Variants in ARHGEF18 observed in about 807,000 individuals in gnomAD.
The protein encoded by ARHGEF18 is rho guanine nucleotide exchange factor 18.
ARHGEF18 carries 93 observed loss-of-function variants against 155.7 expected under a neutral mutation model. The observed-to-expected ratio is 0.60, with a 90% CI of 0.50 to 0.71. The LOEUF (loss-of-function observed/expected upper bound fraction) is 0.71, where lower values mean the gene tolerates loss of function less well. Ranked by LOEUF, ARHGEF18 falls within the 30% of genes least tolerant of loss-of-function variation. The pLI is 0.00. For missense variants in ARHGEF18, 1,593 were observed against 1,816.1 expected, an observed-to-expected ratio of 0.88 and a Z score of 2.23; for synonymous variants, 742 against 753.1, an observed-to-expected ratio of 0.99 and a Z score of 0.24.
At chr19:7,464,258 G>T (rs937552018) in intron 22 of ARHGEF18, among the ~76,000 whole-genome samples, 1 of 151,994 alleles carries the variant, frequency 6.6e-6, no homozygotes, top group African/African-American at 2.4e-5. Flanking sequence ...GGCTGGTCTC[G>T]AACTCCTGAC....
chr19:7,416,530 CGT>C (rs71179108), intron 10 of ARHGEF18, among the ~76,000 whole-genome samples: 9,366 of 105,680 alleles, frequency 0.089, 422 homozygotes, highest in African/African-American at 0.14. Flanking sequence ...GGAGAAAATT[CGT>C]GTGTGTGTGT....
chr19:7,413,294 C>CT (rs71179106), intron 10 of ARHGEF18, among the ~76,000 whole-genome samples: 169 of 138,254 alleles, frequency 1.2e-3, no homozygotes, highest in South Asian at 1.6e-3. Flanking sequence ...AAACAAAAAG[C>CT]TTTTTTTTTT....
intron 4 of ARHGEF18, 57 bp downstream of exon 4, chr19:7,375,927 G>C (rs754262962): frequency 1.6e-5 from 20 of 1,233,698 alleles, no homozygotes; most frequent in Admixed American, 4.2e-5. Flanking sequence ...TTAGAAAGCA[G>C]TGCTATAGGT....
chr19:7,412,086 A>G (rs1750485650), intron 10 of ARHGEF18, among the ~76,000 whole-genome samples: 1 of 150,100 alleles, frequency 6.7e-6, no homozygotes, highest in South Asian at 2.1e-4. Flanking sequence ...CGCAGGCTGC[A>G]GTGCAGTGGC....
chr19:7,380,287 A>G (rs113495227), intron 7 of ARHGEF18, among the ~76,000 whole-genome samples: 2,675 of 151,502 alleles, frequency 0.018, 78 homozygotes, highest in African/African-American at 0.059. Flanking sequence ...GACCATCCTG[A>G]CTAACATGGT....
Position 7,432,052 on chromosome 19 carries a change from C to T in ARHGEF18, c.968-8292C>T, listed in dbSNP as rs1192925364. 2.6e-5 allele frequency among the ~76,000 whole-genome samples: 4 copies of T among 152,080 alleles called. No homozygotes were observed. In the East Asian group the frequency reaches 7.7e-4, roughly 29 times the overall value. ...CTGCAAGATGTCTTTTTTAATTTTT[C>T]TTTGTCCCCTGAGGTGCGGGATGAA... is the stretch of plus-strand genomic sequence containing the variant. On this transcript the variant is annotated intron_variant, in intron 10 of 28. Transcript: ENST00000668164.
chr19:7,459,579 T>C (rs1266874128), intron 19 of ARHGEF18, among the ~76,000 whole-genome samples: 6 of 152,146 alleles, frequency 3.9e-5, no homozygotes, highest in African/African-American at 1.4e-4. Context: ...GACTCCCCCA[T>C]CCACAGTAGC....
At chr19:7,455,624 T>A (rs1463250916) in intron 17 of ARHGEF18, among the ~76,000 whole-genome samples, 1 of 152,156 alleles carries the variant, frequency 6.6e-6, no homozygotes, top group East Asian at 1.9e-4. Context: ...CGTTCACATC[T>A]GAGACATCAG....
At chr19:7,410,975 G>A (rs1378435204) in intron 10 of ARHGEF18, among the ~76,000 whole-genome samples, 2 of 152,056 alleles carry the variant, frequency 1.3e-5, no homozygotes, top group Non-Finnish European at 2.9e-5. Flanking sequence ...CATCTGGCCT[G>A]TACCCAGTGT....
At position 7,444,193 on chromosome 19, in the gene ARHGEF18, T is replaced by C. The variant is rs767574648; in HGVS notation, c.1361-11T>C. 2.2e-5 allele frequency: 36 copies of C among 1,609,262 alleles called. No homozygotes were observed. In the East Asian group the frequency reaches 5.6e-4, roughly 25 times the overall value. ...CAGCATGGCTAAGTCCTGCCGTCTG[T>C]GTCCCTGCAGAGCTGATGCAGACAG... On this transcript the variant is annotated splice_polypyrimidine_tract_variant and intron_variant, in intron 13 of 28. Transcript: ENST00000668164. This position sits in a 1 kb window ranked among gnomAD's most constrained non-coding sequence, Gnocchi z 4.7.
chr19:7,375,892 C>T, intron 4 of ARHGEF18, 22 bp downstream of exon 4: 1 of 1,234,300 alleles, frequency 8.1e-7, no homozygotes, highest in Non-Finnish European at 1.0e-6. Flanking sequence ...CTGCAGCCAC[C>T]CCTGACAATA....
In ARHGEF18 at chr19:7,440,173, A is replaced by T; in HGVS notation, c.968-171A>T. 2 of 1,551,438 alleles carry T rather than the reference A, an allele frequency of 1.3e-6. No homozygotes were observed. Among genetic ancestry groups the T allele is most frequent in the South Asian group, 1.2e-5 (1 of 84,064 alleles). ...CCCGGCCGCCCCGAGCTGTCTTTTT[A>T]CGGCTCTTTCCCCAGGAAATGGAGC... On this transcript the variant is annotated intron_variant, in intron 10 of 28. Transcript: ENST00000668164. The surrounding 1 kb of genome is among the most constrained non-coding windows in gnomAD (Gnocchi z 5.4).
At chr19:7,473,416 A>G (rs1331577949), downstream of ARHGEF18, 1 of 400,632 alleles carries the variant, frequency 2.5e-6, no homozygotes, top group Non-Finnish European at 5.0e-6. Context: ...TAATCCCAGC[A>G]TTTTGGGGAG....
Position 7,462,061 on chromosome 19 carries a change from G to A in ARHGEF18, c.2453-91G>A. On this transcript the variant is annotated intron_variant, in intron 20 of 28. Coordinates refer to ENST00000668164, the MANE Select transcript of ARHGEF18 (RefSeq NM_001367823.1). The surrounding 1 kb of genome is among the most constrained non-coding windows in gnomAD (Gnocchi z 4.4). ...AGCCTACCTCAGGGCAGGGCCAGCG[G>A]GGTTCCTCATCCTTAGGCCAGTCCC... 1 of 1,511,212 alleles carries A rather than the reference G, an allele frequency of 6.6e-7. No homozygotes were observed. Among genetic ancestry groups the A allele is most frequent in the Non-Finnish European group, 9.1e-7 (1 of 1,094,342 alleles). 93.6% of individuals were successfully genotyped at this position (1,511,212 alleles called of 1,614,324 possible).
chr19:7,425,807 C>T (rs1973629594), intron 10 of ARHGEF18, among the ~76,000 whole-genome samples: 1 of 152,094 alleles, frequency 6.6e-6, no homozygotes, highest in East Asian at 1.9e-4. Context: ...CAAGACCAGC[C>T]TGGGCAACAT....
chr19:7,412,879 T>C (rs555932894), intron 10 of ARHGEF18, among the ~76,000 whole-genome samples: 14 of 152,180 alleles, frequency 9.2e-5, no homozygotes, highest in Non-Finnish European at 1.5e-4. Flanking sequence ...GTATCTCTTC[T>C]TTGGAGACGT....
intron 10 of ARHGEF18, among the ~76,000 whole-genome samples, chr19:7,394,304 G>A (rs1407983911): frequency 6.6e-6 from 1 of 152,070 alleles, no homozygotes; most frequent in Non-Finnish European, 1.5e-5. Flanking sequence ...TGCCCAGACT[G>A]GTGGTCCTGA....
Position 7,466,966 on chromosome 19 carries a change from G to T in ARHGEF18, c.2953G>T (p.Glu985Ter). 1 of 1,613,408 alleles carries T rather than the reference G, an allele frequency of 6.2e-7. No individual in the cohort carries two copies. ...ESDPRLPTVL[E>*]SELVQRIQTL... ...CGATCCCCGTCTGCCCACCGTCCTG[G>T]AGTCGGAGGTAGGCGCCCGCGGGTC... Residue 985 changes from glutamate (E) to a stop codon, truncating the protein, a stop_gained, in exon 24 of 29, where the codon GAG becomes TAG. Coordinates refer to ENST00000668164, the MANE Select transcript of ARHGEF18 (RefSeq NM_001367823.1). LOFTEE classifies it high-confidence loss of function.
In ARHGEF18 at chr19:7,467,650, C is replaced by T. The variant is rs1394329140; in HGVS notation, c.3446C>T (p.Ala1149Val). 1.1e-5 allele frequency: 16 copies of T among 1,515,020 alleles called. No homozygotes were observed. In the East Asian group the frequency reaches 2.8e-4, roughly 27 times the overall value. 93.8% of individuals were successfully genotyped at this position (1,515,020 alleles called of 1,614,324 possible). ...CGCCGCCTCAAGAAGCAGAACACCG[C>T]GCCAGGCGCGCTGCCGCCCGACACA... ...LLRRLKKQNT[A>V]PGALPPDTLA... Residue 1149 changes from alanine (A) to valine (V), a missense_variant, in exon 26 of 29, where the codon GCG becomes GTG. Coordinates refer to ENST00000668164, the MANE Select transcript of ARHGEF18 (RefSeq NM_001367823.1).
Sources: allele counts gnomAD v4.1 joint callset (sites outside exome capture counted in the v4.1 genomes callset), GRCh38; gene constraint gnomAD v4.1.1; non-coding constraint Gnocchi (gnomAD v3.1); transcripts MANE v1.5; gene names NCBI Gene and HGNC (gene_info 2026-07-23, HGNC 2026-07-21).